SPTB: variants seen among roughly 807,000 people sequenced by gnomAD.
SPTB encodes the protein spectrin beta chain, erythrocytic.
SPTB carries 45 observed loss-of-function variants against 256.2 expected under a neutral mutation model. The observed-to-expected ratio is 0.18, with a 90% CI of 0.14 to 0.23. The LOEUF (loss-of-function observed/expected upper bound fraction) is 0.23, where lower values mean the gene tolerates loss of function less well. Among genes scored for constraint, SPTB ranks in the 10% least tolerant of loss-of-function variants. The pLI is 1.00. For missense variants in SPTB, 2,715 were observed against 3,040.4 expected, an observed-to-expected ratio of 0.89 and a Z score of 2.52; for synonymous variants, 1,231 against 1,243.1, an observed-to-expected ratio of 0.99 and a Z score of 0.21.
At chr14:64,811,625 AC>A (rs1211047004) in intron 2 of SPTB, among the ~76,000 whole-genome samples, 1 of 152,202 alleles carries the variant, frequency 6.6e-6, no homozygotes, top group Non-Finnish European at 1.5e-5. Context: ...CAATGCTTCA[AC>A]CCCCAACATA....
intron 33 of SPTB, among the ~76,000 whole-genome samples, chr14:64,750,834 T>G (rs945067915): frequency 6.9e-6 from 1 of 145,584 alleles, no homozygotes; most frequent in Non-Finnish European, 1.5e-5. Context: ...ATAATTTATA[T>G]AATATTTACA....
intron 27 of SPTB, 83 bp from the exon 28 acceptor site, chr14:64,769,811 C>T: frequency 6.3e-7 from 1 of 1,590,086 alleles, no homozygotes; most frequent in Non-Finnish European, 8.6e-7. Flanking sequence ...GGGCCCACCT[C>T]CCCCTGCCTG....
chr14:64,842,544 T>C (rs2083623635), intron 1 of SPTB, among the ~76,000 whole-genome samples: 1 of 152,148 alleles, frequency 6.6e-6, no homozygotes, highest in Admixed American at 6.5e-5. Flanking sequence ...TAAGATGAAG[T>C]TAGTAATAGT....
chr14:64,773,352 G>C lies in SPTB; in HGVS notation c.5046C>G (p.Arg1682=). ...YAGLKDVAEE[R]KRKLENMYHL... ...GGTACATGTTCTCCAGCTTGCGCTT[G>C]CGCTCTTCCGCCACGTCCTTCAGCC... The change falls in exon 25 of 36, where the codon CGC becomes CGG. Residue 1682 remains arginine, a synonymous_variant. Coordinates refer to ENST00000644917, the MANE Select transcript of SPTB (RefSeq NM_001355436.2). 6.2e-7 allele frequency: 1 copy of C among 1,614,180 alleles called. No homozygotes were observed. Among genetic ancestry groups the C allele is most frequent in the East Asian group, 2.2e-5 (1 of 44,870 alleles).
At chr14:64,766,003 GTGCATA>G (rs1296358845) in intron 32 of SPTB, among the ~76,000 whole-genome samples, 1 of 150,088 alleles carries the variant, frequency 6.7e-6, no homozygotes, top group Non-Finnish European at 1.5e-5. Flanking sequence ...GGTGTGGTGT[GTGCATA>G]TTTGTGTGTG....
intron 27 of SPTB, 65 bp downstream of exon 27, chr14:64,770,820 C>A (rs534474001): frequency 1.2e-6 from 2 of 1,611,888 alleles, no homozygotes; most frequent in East Asian, 4.5e-5. Flanking sequence ...AGTGCAGCAC[C>A]CTGGTTGGCC....
intron 1 of SPTB, among the ~76,000 whole-genome samples, chr14:64,836,409 T>C (rs1355135816): frequency 6.6e-6 from 1 of 152,170 alleles, no homozygotes; most frequent in Non-Finnish European, 1.5e-5. Flanking sequence ...GTATAAACTG[T>C]ATAGTACCAG....
At chr14:64,781,580 G>A (rs543355895) in intron 20 of SPTB, among the ~76,000 whole-genome samples, 5 of 152,314 alleles carry the variant, frequency 3.3e-5, no homozygotes, top group Admixed American at 2.6e-4. Flanking sequence ...CGCTGGCAAG[G>A]TTGCAGAGAA....
chr14:64,854,134 G>C (rs757940293), intron 1 of SPTB, among the ~76,000 whole-genome samples: 16 of 151,360 alleles, frequency 1.1e-4, no homozygotes, highest in Non-Finnish European at 1.5e-4. Flanking sequence ...AGAAGTTGCA[G>C]TGAGCCAAGA....
rs141251820 is a variant in SPTB at position 64,836,654 on chromosome 14, C to T, written c.-51-13509G>A. Among the ~76,000 whole-genome samples, 227 of 152,294 alleles carry T rather than the reference C, an allele frequency of 1.5e-3. 1 individual carries two copies. Among genetic ancestry groups the T allele is most frequent in the Middle Eastern group, 6.8e-3 (2 of 294 alleles). On this transcript the variant is annotated intron_variant, in intron 1 of 35. Coordinates refer to ENST00000644917, the MANE Select transcript of SPTB (RefSeq NM_001355436.2). ...CCAAGCAGTGCTCCTTCAGACCTAG[C>T]GGCCATCCTACTTCGAAACAAACTT...
intron 32 of SPTB, chr14:64,766,307 G>C (rs1307770674): frequency 1.1e-6 from 1 of 944,958 alleles, no homozygotes; most frequent in Non-Finnish European, 1.4e-6. Flanking sequence ...CCTGTGTGTA[G>C]GTGTGGGTGC....
chr14:64,792,999 G>A lies in SPTB; in HGVS notation c.2664C>T (p.His888=), dbSNP rs1354144509. 1 of 1,613,822 alleles carries A rather than the reference G, an allele frequency of 6.2e-7. No individual in the cohort carries two copies. Among genetic ancestry groups the A allele is most frequent in the South Asian group, 1.1e-5 (1 of 91,086 alleles). The change falls in exon 14 of 36, where the codon CAC becomes CAT. Residue 888 remains histidine, a splice_region_variant and synonymous_variant. Transcript: ENST00000644917. This position sits in a 1 kb window ranked among gnomAD's most constrained non-coding sequence, Gnocchi z 4.2. The part of the protein sequence containing the change: ...DTLEDLEVVQ[H]RFDILDQEMK... ...GGAAAAGATGAGTTAACTCTGACCT[G>A]TGCTGCACGACCTCCAGGTCCTCCA...
intron 1 of SPTB, among the ~76,000 whole-genome samples, chr14:64,831,992 A>G (rs929420273): frequency 6.6e-6 from 1 of 152,204 alleles, no homozygotes; most frequent in Non-Finnish European, 1.5e-5. Flanking sequence ...AAGGGAATAG[A>G]AAAGGAAAAT....
chr14:64,789,561 T>C (rs1280792471), intron 15 of SPTB, among the ~76,000 whole-genome samples: 1 of 152,128 alleles, frequency 6.6e-6, no homozygotes, highest in African/African-American at 2.4e-5. Context: ...GCCATGCCAG[T>C]AAGCTGACAT....
chr14:64,803,848 G>T, intron 3 of SPTB, 68 bp from the exon 4 acceptor site: 1 of 1,518,246 alleles, frequency 6.6e-7, no homozygotes, highest in South Asian at 1.2e-5. Flanking sequence ...CTGCAGCGTG[G>T]ACCAGCTCCT....
At chr14:64,767,633 C>T (rs1247422141) in intron 30 of SPTB, 30 bp downstream of exon 30, 2 of 1,612,674 alleles carry the variant, frequency 1.2e-6, no homozygotes, top group Non-Finnish European at 8.5e-7. Context: ...TGCCACCCTC[C>T]TGAGCCTCCC....
chr14:64,804,816 A>G (rs2082951413), intron 3 of SPTB, 123 bp downstream of exon 3: 1 of 1,262,710 alleles, frequency 7.9e-7, no homozygotes, highest in Admixed American at 1.8e-5. Flanking sequence ...TAAGTATTAG[A>G]GCCTCCCAAA....
chr14:64,784,473 CAGA>C, intron 18 of SPTB, 80 bp from the exon 19 acceptor site: 1 of 1,578,542 alleles, frequency 6.3e-7, no homozygotes, highest in Non-Finnish European at 8.7e-7. Flanking sequence ...TCCCTGGCTG[CAGA>C]AGGAGAAGGC....
At chr14:64,770,257 G>C (rs761678640) in intron 27 of SPTB, among the ~76,000 whole-genome samples, 2 of 152,146 alleles carry the variant, frequency 1.3e-5, no homozygotes, top group Admixed American at 6.5e-5. Flanking sequence ...GTGTAACAGC[G>C]AATATATTAA....
Sources: gnomAD v4.1 joint callset for allele counts (sites outside exome capture counted in the v4.1 genomes callset) on GRCh38, gnomAD v4.1.1 for gene constraint, Gnocchi (gnomAD v3.1) non-coding constraint, MANE v1.5 for transcripts, NCBI Gene and HGNC (gene_info 2026-07-23, HGNC 2026-07-21) for gene names.